The following RNF125 variants were observed in gnomAD, a reference collection of about 807,000 sequenced individuals.
The protein encoded by RNF125 is ring finger protein 125.
In RNF125, 21 loss-of-function variants were observed where a neutral mutation model predicts 26.0. The ratio of observed to expected loss-of-function variants is 0.81; its 90% CI spans 0.57 to 1.16. The LOEUF is 1.16. Among genes scored for constraint, RNF125 ranks in the 50% most tolerant of loss-of-function variants. RNF125 has a pLI of 0.00. For missense variants in RNF125, 270 were observed against 299.4 expected, an observed-to-expected ratio of 0.90 and a Z score of 0.72; for synonymous variants, 95 against 109.2, an observed-to-expected ratio of 0.87 and a Z score of 0.81.
intron 1 of RNF125, among the ~76,000 whole-genome samples, chr18:32,020,850 A>C (rs754510757): frequency 2.0e-5 from 3 of 151,810 alleles, no homozygotes; most frequent in African/African-American, 7.2e-5. Flanking sequence ...CAGAGGTTGC[A>C]GTGAGCTGAG....
chr18:32,050,865 CTTTTTTTTTTT>C (rs531751585), intron 4 of RNF125, among the ~76,000 whole-genome samples: 281 of 46,264 alleles, frequency 6.1e-3, no homozygotes, highest in African/African-American at 0.02. Flanking sequence ...GTCTAGAGTG[CTTTTTTTTTTT>C]TTTTTTTTTT....
chr18:32,086,221 T>C, the RNF125 span, among the ~76,000 whole-genome samples: 28 of 110,550 alleles, frequency 2.5e-4, no homozygotes, highest in African/African-American at 1.3e-3. Flanking sequence ...TAGATTTGTC[T>C]TTTTTTTTTT....
At position 32,055,847 on chromosome 18, in the gene RNF125, C is replaced by T. The variant is rs2421181; in HGVS notation, c.505-10055C>T. ...ATACAAAATTAGCCGGGTGTGGTGG[C>T]GCATGCCTGTAATCCCAGCTTCTCG... On this transcript the variant is annotated intron_variant, in intron 4 of 5. Coordinates refer to ENST00000217740, the MANE Select transcript of RNF125 (RefSeq NM_017831.4). Among the ~76,000 whole-genome samples, 15 of 151,636 alleles carry T rather than the reference C, an allele frequency of 9.9e-5. No homozygotes were observed. In the South Asian group the frequency reaches 1.3e-3, roughly 13 times the overall value.
At chr18:32,058,610 T>C (rs1431618005) in intron 4 of RNF125, among the ~76,000 whole-genome samples, 1 of 152,206 alleles carries the variant, frequency 6.6e-6, no homozygotes, top group Admixed American at 6.5e-5. Context: ...CCTCCCAAAG[T>C]GCTGGGATTT....
At chr18:32,088,004 T>G in the RNF125 span, among the ~76,000 whole-genome samples, 1 of 152,234 alleles carries the variant, frequency 6.6e-6, no homozygotes, top group Admixed American at 6.5e-5. Flanking sequence ...TTTGTTTGCC[T>G]CTTCTTTGGA....
the RNF125 span, among the ~76,000 whole-genome samples, chr18:32,087,604 A>G: frequency 6.6e-6 from 1 of 151,636 alleles, no homozygotes; most frequent in African/African-American, 2.4e-5. Flanking sequence ...GGTGCGTGAG[A>G]GTAAAGGTAA....
rs2039545159 is a variant in RNF125 at position 32,072,911 on chromosome 18, T to C, written c.*4527T>C. On this transcript the variant is annotated 3_prime_UTR_variant, in exon 6 of 6. Transcript: ENST00000217740. Reference sequence around the variant, plus strand: ...GAGACCTCCAGGCAGACCTCCTTACTGTCTTCAGTGATGTTTAATTTCATT... The same window carrying C: ...GAGACCTCCAGGCAGACCTCCTTACCGTCTTCAGTGATGTTTAATTTCATT... 6.6e-6 allele frequency: 1 copy of C among 152,254 alleles called. No individual in the cohort carries two copies. The highest frequency in any genetic ancestry group is 6.5e-5 in the Admixed American group (1 of 15,284). 9.4% of individuals were successfully genotyped at this position (152,254 alleles called of 1,614,324 possible).
At chr18:32,075,021 T>G (rs1399833671), downstream of RNF125, among the ~76,000 whole-genome samples, 1 of 152,216 alleles carries the variant, frequency 6.6e-6, no homozygotes. Context: ...TTTCTCAGTG[T>G]ACTCCTTGTG....
At chr18:32,082,296 T>C in the RNF125 span, among the ~76,000 whole-genome samples, 12 of 152,268 alleles carry the variant, frequency 7.9e-5, no homozygotes, top group African/African-American at 2.6e-4. Flanking sequence ...ACAAAATACA[T>C]TGGACTGGTA....
At chr18:32,054,423 A>G (rs2039360567) in intron 4 of RNF125, among the ~76,000 whole-genome samples, 1 of 152,164 alleles carries the variant, frequency 6.6e-6, no homozygotes, top group Admixed American at 6.5e-5. Context: ...AGAAGCCCTT[A>G]CATTGGTGAT....
At chr18:32,019,165 G>A in intron 1 of RNF125, 138 bp downstream of exon 1, 1 of 1,028,870 alleles carries the variant, frequency 9.7e-7, no homozygotes, top group Non-Finnish European at 1.4e-6. Context: ...TGGACCCGTC[G>A]GATGCAGGAC....
rs75644207 is a variant in RNF125, at chr18:32,049,242, G to A, written c.504+3510G>A. Among the ~76,000 whole-genome samples, 943 of 152,272 alleles carry A rather than the reference G, an allele frequency of 6.2e-3. 6 individuals carry two copies. The highest frequency in any genetic ancestry group is 0.022 in the African/African-American group (905 of 41,552). ...CTAAGCAGGGAAACAAACTAGGAAT[G>A]GTGGAATCAGATTGCCTGTGGGATT... is the stretch of plus-strand genomic sequence containing the variant. On this transcript the variant is annotated intron_variant, in intron 4 of 5. Transcript: ENST00000217740.
In RNF125 at chr18:32,065,902, T is replaced by TTCTG. The variant is rs1459492444; in HGVS notation, c.508_511dup (p.Pro171LeufsTer10). The TTCTG allele has an allele frequency of 6.9e-6, 11 of 1,604,108 alleles. No individual in the cohort carries two copies. Among genetic ancestry groups the TTCTG allele is most frequent in the Non-Finnish European group, 9.4e-6 (11 of 1,171,114 alleles). ...AACCCCTGGTCTTGTTTGTTTCCAG[T>TTCTG]TCTGTCCACTTTGCCGTTTAATACC... On this transcript the variant is annotated frameshift_variant and splice_region_variant, in exon 5 of 6. Transcript: ENST00000217740. LOFTEE classifies it high-confidence loss of function.
chr18:32,047,242 G>A (rs1317647826), intron 4 of RNF125, among the ~76,000 whole-genome samples: 1 of 152,156 alleles, frequency 6.6e-6, no homozygotes, highest in African/African-American at 2.4e-5. Context: ...GTTTCACCAT[G>A]TTGGCCAGGA....
At chr18:32,020,632 G>T (rs1253245729) in intron 1 of RNF125, among the ~76,000 whole-genome samples, 1 of 151,490 alleles carries the variant, frequency 6.6e-6, no homozygotes, top group Admixed American at 6.6e-5. Flanking sequence ...TTTGACGCCC[G>T]GCGTGGTGGC....
At chr18:32,054,692 C>T (rs2039363248) in intron 4 of RNF125, among the ~76,000 whole-genome samples, 1 of 152,008 alleles carries the variant, frequency 6.6e-6, no homozygotes, top group African/African-American at 2.4e-5. Flanking sequence ...AAGTAGAAGA[C>T]ATTTGGAAAA....
intron 4 of RNF125, among the ~76,000 whole-genome samples, chr18:32,062,410 T>C (rs1219877280): frequency 2.0e-5 from 3 of 152,220 alleles, no homozygotes; most frequent in South Asian, 2.1e-4. Context: ...GAAAATTAAA[T>C]GCTGTCTTGG....
rs893678046 is a variant in RNF125 at position 32,065,763 on chromosome 18, C to A, written c.505-139C>A. The A allele has an allele frequency of 9.8e-6, 6 of 611,328 alleles. No homozygotes were observed. In the African/African-American group the frequency reaches 1.1e-4, roughly 11 times the overall value. The allele number at this position is 611,328 out of a possible 1,614,324, so 37.9% of individuals were successfully genotyped here. A position where few individuals can be genotyped will look rare whatever the true frequency, so the allele number is the denominator to read the frequency against. On this transcript the variant is annotated intron_variant, in intron 4 of 5. Coordinates refer to ENST00000217740, the MANE Select transcript of RNF125 (RefSeq NM_017831.4). ...GGCCAGGATGGTCTCCATCTCTTGA[C>A]CTGGTGATCCGGCCGCCTCTGCCTC...
chr18:32,074,209 C>T (rs1263049491), downstream of RNF125, among the ~76,000 whole-genome samples: 1 of 152,174 alleles, frequency 6.6e-6, no homozygotes, highest in East Asian at 1.9e-4. Context: ...ATTTGTATAT[C>T]ACTGTGTGTT....
Sources: allele counts gnomAD v4.1 joint callset (sites outside exome capture counted in the v4.1 genomes callset), GRCh38; gene constraint gnomAD v4.1.1; transcripts MANE v1.5; gene names NCBI Gene and HGNC (gene_info 2026-07-23, HGNC 2026-07-21).